The following PLPPR1 variants were observed in gnomAD, a reference collection of about 807,000 sequenced individuals.
PLPPR1 encodes the protein phospholipid phosphatase related 1.
In PLPPR1, 10 loss-of-function variants were observed where a neutral mutation model predicts 33.1. That is an observed-to-expected ratio of 0.30 (90% CI 0.19 to 0.51). The LOEUF (loss-of-function observed/expected upper bound fraction) is 0.51, where lower values mean the gene tolerates loss of function less well. Among genes scored for constraint, PLPPR1 ranks in the 20% least tolerant of loss-of-function variants. The pLI is 0.97. For missense variants in PLPPR1, 304 were observed against 408.1 expected, an observed-to-expected ratio of 0.74 and a Z score of 2.20; for synonymous variants, 151 against 151.0, an observed-to-expected ratio of 1.00 and a Z score of 0.00.
rs184545853 is a variant in PLPPR1, at chr9:101,099,116, G to T, written c.-46+70014G>T. 3.8e-4 allele frequency among the ~76,000 whole-genome samples: 58 copies of T among 151,764 alleles called. 1 individual carries two copies. Among genetic ancestry groups the T allele is most frequent in the African/African-American group, 1.4e-3 (57 of 41,286 alleles). ...TGGTGTGTGTGTGTCGGGGGGAGGCGGGGGAGGAGTGTGTTGGTCAGTGGG... is the reference window on the plus strand; with the variant it reads ...TGGTGTGTGTGTGTCGGGGGGAGGCTGGGGAGGAGTGTGTTGGTCAGTGGG... On this transcript the variant is annotated intron_variant, in intron 1 of 7. Coordinates refer to ENST00000374874, the MANE Select transcript of PLPPR1 (RefSeq NM_207299.2).
chr9:101,071,603 A>G (rs975089268), intron 1 of PLPPR1, among the ~76,000 whole-genome samples: 1 of 117,522 alleles, frequency 8.5e-6, no homozygotes, highest in Non-Finnish European at 1.9e-5. Flanking sequence ...TGGGAGTGAG[A>G]AGGAGAGAGA....
chr9:101,257,366 A>T (rs1469438347), intron 2 of PLPPR1, among the ~76,000 whole-genome samples: 1 of 152,194 alleles, frequency 6.6e-6, no homozygotes, highest in East Asian at 1.9e-4. Context: ...TTCATATCAT[A>T]TCACAAACTA....
intron 1 of PLPPR1, among the ~76,000 whole-genome samples, chr9:101,164,301 A>G (rs1825817053): frequency 1.3e-5 from 2 of 151,984 alleles, no homozygotes; most frequent in South Asian, 2.1e-4. Context: ...GATCTATTTC[A>G]TAGAGTTGTT....
At chr9:101,058,322 T>G (rs1469775416) in intron 1 of PLPPR1, among the ~76,000 whole-genome samples, 2 of 149,938 alleles carry the variant, frequency 1.3e-5, no homozygotes, top group East Asian at 4.0e-4. Flanking sequence ...TCACATAAGA[T>G]ACTTCATGGG....
chr9:101,034,482 G>A (rs1048384092), intron 1 of PLPPR1, among the ~76,000 whole-genome samples: 1 of 152,128 alleles, frequency 6.6e-6, no homozygotes, highest in African/African-American at 2.4e-5. Context: ...AAGAGCACAG[G>A]CTCTAGAGTT....
chr9:101,255,612 C>G (rs1182055055), intron 2 of PLPPR1, among the ~76,000 whole-genome samples: 3 of 152,054 alleles, frequency 2.0e-5, no homozygotes, highest in Non-Finnish European at 4.4e-5. Flanking sequence ...TTTGCTTTGG[C>G]CTTTGCTTTA....
At chr9:101,111,685 A>G (rs1037057233) in intron 1 of PLPPR1, among the ~76,000 whole-genome samples, 1 of 152,156 alleles carries the variant, frequency 6.6e-6, no homozygotes, top group Admixed American at 6.5e-5. Flanking sequence ...CTTTGTGAAA[A>G]TTTCAAATAC....
Position 101,148,067 on chromosome 9 carries a change from C to T in PLPPR1, c.-45-37383C>T, listed in dbSNP as rs550757395. ...CTGTCATCAACCTGCCTCTCTGCTC[C>T]AAGTGGACGGAATGGAGTTTCAATT... On this transcript the variant is annotated intron_variant, in intron 1 of 7. Coordinates refer to ENST00000374874, the MANE Select transcript of PLPPR1 (RefSeq NM_207299.2). 6.3e-4 allele frequency among the ~76,000 whole-genome samples: 96 copies of T among 152,220 alleles called. 1 individual carries two copies. Among genetic ancestry groups the T allele is most frequent in the African/African-American group, 2.1e-3 (86 of 41,544 alleles).
chr9:101,123,687 A>G (rs191164740), intron 1 of PLPPR1, among the ~76,000 whole-genome samples: 11 of 152,318 alleles, frequency 7.2e-5, no homozygotes, highest in Admixed American at 4.6e-4. Context: ...ATGGCTTAGC[A>G]TTTGCTCTGC....
At chr9:101,291,205 T>C (rs1417224013) in intron 4 of PLPPR1, among the ~76,000 whole-genome samples, 5 of 152,088 alleles carry the variant, frequency 3.3e-5, no homozygotes, top group Non-Finnish European at 5.9e-5. Context: ...CAGTCTGAGA[T>C]CAAACTGCAA....
chr9:101,143,187 C>T (rs144820404), intron 1 of PLPPR1, among the ~76,000 whole-genome samples: 1 of 152,274 alleles, frequency 6.6e-6, no homozygotes, highest in African/African-American at 2.4e-5. Context: ...CATATTGTTG[C>T]TCTAACTAGA....
At chr9:101,231,587 C>A (rs1239743899) in intron 2 of PLPPR1, among the ~76,000 whole-genome samples, 2 of 151,974 alleles carry the variant, frequency 1.3e-5, no homozygotes, top group Non-Finnish European at 2.9e-5. Flanking sequence ...AATCTGATGA[C>A]CTTTTTCTTT....
intron 1 of PLPPR1, among the ~76,000 whole-genome samples, chr9:101,096,935 C>T (rs926342188): frequency 3.3e-5 from 5 of 151,758 alleles, no homozygotes; most frequent in Non-Finnish European, 7.4e-5. Context: ...ATGTGGTGGC[C>T]CACACCTGTA....
intron 1 of PLPPR1, among the ~76,000 whole-genome samples, chr9:101,177,465 A>G (rs1036429899): frequency 1.3e-5 from 2 of 152,190 alleles, no homozygotes; most frequent in Non-Finnish European, 2.9e-5. Flanking sequence ...TAAGAGTTTT[A>G]CTAAGGGTGT....
At chr9:101,091,684 G>C (rs1380734268) in intron 1 of PLPPR1, among the ~76,000 whole-genome samples, 1 of 152,118 alleles carries the variant, frequency 6.6e-6, no homozygotes, top group Non-Finnish European at 1.5e-5. Context: ...CCCCTTTTCT[G>C]TATAACCTAG....
intron 1 of PLPPR1, among the ~76,000 whole-genome samples, chr9:101,045,552 A>C (rs917972805): frequency 3.9e-4 from 60 of 152,340 alleles, no homozygotes; most frequent in African/African-American, 1.4e-3. Context: ...ACTGGATTAG[A>C]GATCTGAAAT....
rs549967526 is a variant in PLPPR1, at chr9:101,319,269, G to A, written c.945+1773G>A. Among the ~76,000 whole-genome samples the A allele has an allele frequency of 8.9e-4, 136 of 152,028 alleles. 1 individual carries two copies. The highest frequency in any genetic ancestry group is 2.6e-3 in the African/African-American group (106 of 41,448). On this transcript the variant is annotated intron_variant, in intron 7 of 7. Transcript: ENST00000374874. Reference sequence around the variant, plus strand: ...TCGGCTCACTGCAGCCTCCGCCTCCGGGGTTCAAGCAATTCTCTCGCCTCA... The same window carrying A: ...TCGGCTCACTGCAGCCTCCGCCTCCAGGGTTCAAGCAATTCTCTCGCCTCA...
intron 1 of PLPPR1, among the ~76,000 whole-genome samples, chr9:101,164,529 A>AT (rs1825824897): frequency 6.6e-6 from 1 of 151,714 alleles, no homozygotes; most frequent in African/African-American, 2.4e-5. Context: ...TGGACAGCTA[A>AT]TTTTTTTAAT....
intron 2 of PLPPR1, among the ~76,000 whole-genome samples, chr9:101,203,357 AG>A (rs569687009): frequency 8.5e-5 from 13 of 152,098 alleles, no homozygotes; most frequent in Non-Finnish European, 1.9e-4. Context: ...CAGAGACCTT[AG>A]GGGGGGAAAA....
Sources: allele counts gnomAD v4.1 joint callset (sites outside exome capture counted in the v4.1 genomes callset), GRCh38; gene constraint gnomAD v4.1.1; transcripts MANE v1.5; gene names NCBI Gene and HGNC (gene_info 2026-07-23, HGNC 2026-07-21).